MAST4: variants seen among roughly 807,000 people sequenced by gnomAD.
MAST4 encodes the protein microtubule-associated serine/threonine-protein kinase 4.
In MAST4, 89 loss-of-function variants were observed where a neutral mutation model predicts 162.7. The observed-to-expected ratio is 0.55, with a 90% CI of 0.46 to 0.65. MAST4 has a LOEUF of 0.65. MAST4 is among the 30% of genes least tolerant of loss of function. The pLI is 0.00. For missense variants in MAST4, 3,153 were observed against 3,374.0 expected (o/e 0.93, Z 1.62); for synonymous variants, 1,479 against 1,361.1 (o/e 1.09, Z -1.91).
chr5:66,918,223 T>C (rs948809847), intron 4 of MAST4, among the ~76,000 whole-genome samples: 2 of 152,160 alleles, frequency 1.3e-5, no homozygotes, highest in African/African-American at 4.8e-5. Flanking sequence ...TTTCAATGAA[T>C]GTAAGTTTTT....
intron 1 of MAST4, among the ~76,000 whole-genome samples, chr5:66,747,126 G>GTT (rs1320604400): frequency 1.3e-5 from 2 of 150,940 alleles, no homozygotes; most frequent in Non-Finnish European, 2.9e-5. Context: ...GTGTGTGTGT[G>GTT]TGTGTATGTA....
intron 3 of MAST4, among the ~76,000 whole-genome samples, chr5:66,875,687 CAGTT>C (rs1324879944): frequency 6.6e-6 from 1 of 152,104 alleles, no homozygotes; most frequent in African/African-American, 2.4e-5. Flanking sequence ...TGTAAATAAG[CAGTT>C]AGTACCACAT....
intron 4 of MAST4, among the ~76,000 whole-genome samples, chr5:66,955,619 C>T (rs577327751): frequency 1.3e-5 from 2 of 152,144 alleles, no homozygotes; most frequent in Non-Finnish European, 2.9e-5. Flanking sequence ...TTTATATACT[C>T]TTACTCTCCC....
chr5:67,122,460 A>G lies in MAST4; in HGVS notation c.1745+1358A>G, dbSNP rs1390141781. ...TGCTTTCTGATGTTGTATTTTTGCA[A>G]TATTTTATTTTTCAAGGACCTCATT... On this transcript the variant is annotated intron_variant, in intron 14 of 28. Transcript: ENST00000403625. Among the ~76,000 whole-genome samples, 3 of 152,122 alleles carry G rather than the reference A, an allele frequency of 2.0e-5. No homozygotes were observed. In the East Asian group the frequency reaches 5.8e-4, roughly 29 times the overall value.
At chr5:66,697,684 C>T (rs1225427730) in intron 1 of MAST4, among the ~76,000 whole-genome samples, 1 of 152,178 alleles carries the variant, frequency 6.6e-6, no homozygotes, top group African/African-American at 2.4e-5. Context: ...AACAATGGCA[C>T]TCTTTCACCA....
intron 1 of MAST4, among the ~76,000 whole-genome samples, chr5:66,755,688 CATA>C (rs1753494012): frequency 1.3e-5 from 2 of 152,122 alleles, no homozygotes; most frequent in South Asian, 2.1e-4. Flanking sequence ...GTATATGCAT[CATA>C]ATGTCTTAAA....
intron 1 of MAST4, among the ~76,000 whole-genome samples, chr5:66,751,031 G>A (rs182488184): frequency 4.4e-4 from 67 of 152,140 alleles, no homozygotes; most frequent in African/African-American, 1.5e-3. Context: ...CCCCAGCAGG[G>A]GCACACTGAC....
intron 4 of MAST4, among the ~76,000 whole-genome samples, chr5:66,977,305 T>G (rs1748269141): frequency 2.0e-5 from 3 of 150,710 alleles, no homozygotes; most frequent in Admixed American, 2.0e-4. Flanking sequence ...TCTCCATGTT[T>G]GTCAGGCAGG....
chr5:67,005,368 G>T lies in MAST4; in HGVS notation c.675-49036G>T, dbSNP rs150860964. On this transcript the variant is annotated intron_variant, in intron 4 of 28. Coordinates refer to ENST00000403625, the MANE Select transcript of MAST4 (RefSeq NM_001164664.2). ...AGGTGGGGGAGAAAAAGGGAAAGAG[G>T]AGGAGATACTTTGTCTAAGTCTGTC... is the stretch of plus-strand genomic sequence containing the variant. Among the ~76,000 whole-genome samples, 488 of 152,286 alleles carry T rather than the reference G, an allele frequency of 3.2e-3. 4 individuals carry two copies. Among genetic ancestry groups the T allele is most frequent in the African/African-American group, 0.011 (470 of 41,554 alleles).
chr5:66,739,529 G>A (rs189418006), intron 1 of MAST4, among the ~76,000 whole-genome samples: 50 of 152,150 alleles, frequency 3.3e-4, no homozygotes, highest in African/African-American at 1.2e-3. Flanking sequence ...GAGGCATTTC[G>A]ACTTTGTTTC....
chr5:66,888,158 T>C (rs192341508), intron 3 of MAST4, among the ~76,000 whole-genome samples: 170 of 152,348 alleles, frequency 1.1e-3, no homozygotes, highest in African/African-American at 3.9e-3. Context: ...TATAAGCTAA[T>C]TGTTTATTCT....
Position 66,596,782 on chromosome 5 carries a change from T to C in MAST4, c.127T>C (p.Ser43Pro). ...SPGASSAESS[S>P]GSETLSEEGE... Reference sequence around the variant, plus strand: ...GGGTGCTTCCTCGGCCGAGTCCTCCTCGGGCTCAGAAACTCTGTCGGAGGA... The same window carrying C: ...GGGTGCTTCCTCGGCCGAGTCCTCCCCGGGCTCAGAAACTCTGTCGGAGGA... Residue 43 changes from serine to proline, a missense_variant, in exon 1 of 29, where the codon TCG (serine) becomes CCG (proline). Physicochemically the swap from Ser to Pro is moderately conservative, Grantham distance 74. Transcript: ENST00000403625. 7.3e-7 allele frequency: 1 copy of C among 1,368,006 alleles called. No homozygotes were observed. Among genetic ancestry groups the C allele is most frequent in the Non-Finnish European group, 9.5e-7 (1 of 1,057,494 alleles). 84.7% of individuals were successfully genotyped at this position (1,368,006 alleles called of 1,614,324 possible).
intron 10 of MAST4, among the ~76,000 whole-genome samples, chr5:67,106,037 C>T (rs1036174115): frequency 6.6e-6 from 1 of 152,196 alleles, no homozygotes; most frequent in African/African-American, 2.4e-5. Context: ...TTAAAACCCT[C>T]CTTTTCTCTG....
chr5:67,164,403 G>C lies in MAST4; in HGVS notation c.5224G>C (p.Val1742Leu). ...PPPASESRAF[V>L]SSTHAAQMSA... ...GCCGGCTTCTGAGAGCCGAGCTTTT[G>C]TCAGCAGCACCCATGCAGCTCAGAT... Residue 1742 changes from valine (V) to leucine (L), a missense_variant, in exon 29 of 29, where the codon GTC becomes CTC. Val to Leu is a conservative substitution (Grantham distance 32). Coordinates refer to ENST00000403625, the MANE Select transcript of MAST4 (RefSeq NM_001164664.2). This position sits in a 1 kb window ranked among gnomAD's most constrained non-coding sequence, Gnocchi z 5.3. 6.2e-7 allele frequency: 1 copy of C among 1,614,042 alleles called. No individual in the cohort carries two copies. The highest frequency in any genetic ancestry group is 1.1e-5 in the South Asian group (1 of 91,084).
chr5:66,722,716 C>T (rs893566721), intron 1 of MAST4, among the ~76,000 whole-genome samples: 6 of 152,132 alleles, frequency 3.9e-5, no homozygotes, highest in Middle Eastern at 3.2e-3. Context: ...ATTTTATATC[C>T]AGCATCCTCA....
intron 5 of MAST4, among the ~76,000 whole-genome samples, chr5:67,088,492 A>G (rs1313933494): frequency 1.3e-5 from 2 of 152,248 alleles, no homozygotes; most frequent in Admixed American, 6.5e-5. Flanking sequence ...TTTAGGAAAC[A>G]AAATTTTTAG....
At chr5:67,107,186 CT>C (rs1765690271) in intron 10 of MAST4, among the ~76,000 whole-genome samples, 1 of 152,092 alleles carries the variant, frequency 6.6e-6, no homozygotes, top group African/African-American at 2.4e-5. Flanking sequence ...TTTTTCATTC[CT>C]TTATAGGCAT....
chr5:67,058,243 G>A (rs1669458184), intron 5 of MAST4, among the ~76,000 whole-genome samples: 1 of 152,012 alleles, frequency 6.6e-6, no homozygotes, highest in Admixed American at 6.6e-5. Flanking sequence ...ACCTAGCATG[G>A]GGTCAAAAAC....
At chr5:66,788,549 T>C (rs1755223845) in intron 2 of MAST4, 121 bp from the exon 3 acceptor site, 3 of 1,276,780 alleles carry the variant, frequency 2.3e-6, no homozygotes. Flanking sequence ...TATTACTGGG[T>C]ATGGCAGAAG....
Sources: gnomAD v4.1 joint callset for allele counts (sites outside exome capture counted in the v4.1 genomes callset) on GRCh38, gnomAD v4.1.1 for gene constraint, Gnocchi (gnomAD v3.1) non-coding constraint, MANE v1.5 for transcripts, NCBI Gene and HGNC (gene_info 2026-07-23, HGNC 2026-07-21) for gene names.